The following LRP1B variants were observed in gnomAD, a reference collection of about 807,000 sequenced individuals.
The protein encoded by LRP1B is LDL receptor related protein 1B, also known as low-density lipoprotein receptor-related protein 1B.
In LRP1B, 217 loss-of-function variants were observed where a neutral mutation model predicts 556.6. The observed-to-expected ratio is 0.39, with a 90% CI of 0.35 to 0.44. The LOEUF is 0.44. Among genes scored for constraint, LRP1B ranks in the 20% least tolerant of loss-of-function variants. LRP1B has a pLI of 1.00. For synonymous variants in LRP1B, 2,047 were observed against 1,865.8 expected, an observed-to-expected ratio of 1.10 and a Z score of -2.50; for missense variants, 5,053 against 5,620.8, an observed-to-expected ratio of 0.90 and a Z score of 3.23.
chr2:140,739,310 T>C (rs957287883), intron 35 of LRP1B, among the ~76,000 whole-genome samples: 22 of 151,816 alleles, frequency 1.4e-4, no homozygotes, highest in Admixed American at 1.2e-3. Flanking sequence ...TGTGAAGATT[T>C]AGAGTTAATT....
chr2:140,497,731 A>G (rs994647089), intron 55 of LRP1B, among the ~76,000 whole-genome samples: 1 of 151,804 alleles, frequency 6.6e-6, no homozygotes, highest in Non-Finnish European at 1.5e-5. Flanking sequence ...AAAGTGCATC[A>G]CCATTTTAAT....
At chr2:141,999,505 G>A (rs1294337110) in intron 1 of LRP1B, among the ~76,000 whole-genome samples, 1 of 151,930 alleles carries the variant, frequency 6.6e-6, no homozygotes, top group African/African-American at 2.4e-5. Context: ...GACCGCAATG[G>A]CTTGTTTAAT....
At chr2:141,116,299 A>G (rs4954886) in intron 7 of LRP1B, among the ~76,000 whole-genome samples, 2 of 152,216 alleles carry the variant, frequency 1.3e-5, no homozygotes, top group Admixed American at 6.5e-5. Context: ...ATGATGGAAA[A>G]TGAATTAAAA....
chr2:141,724,359 T>A (rs1574286643), intron 2 of LRP1B, among the ~76,000 whole-genome samples: 1 of 152,016 alleles, frequency 6.6e-6, no homozygotes, highest in East Asian at 1.9e-4. Context: ...ATGTAGCTGC[T>A]GGTAAAAGAG....
intron 1 of LRP1B, among the ~76,000 whole-genome samples, chr2:141,996,521 A>T (rs1405428272): frequency 1.3e-5 from 2 of 151,952 alleles, no homozygotes; most frequent in Non-Finnish European, 2.9e-5. Context: ...AATGCTCAAT[A>T]AACTGTAGCC....
chr2:140,701,009 G>A (rs1240271362), intron 40 of LRP1B, among the ~76,000 whole-genome samples: 1 of 152,022 alleles, frequency 6.6e-6, no homozygotes, highest in Non-Finnish European at 1.5e-5. Context: ...TTTGAGATAT[G>A]GAAAGCATCA....
intron 4 of LRP1B, among the ~76,000 whole-genome samples, chr2:141,248,902 A>C (rs1478209332): frequency 6.6e-6 from 1 of 152,320 alleles, no homozygotes. Flanking sequence ...AGTGGAAATG[A>C]AGAGGAAATA....
intron 3 of LRP1B, among the ~76,000 whole-genome samples, chr2:141,418,199 C>CTGT (rs2104957795): frequency 6.6e-6 from 1 of 152,206 alleles, no homozygotes; most frequent in African/African-American, 2.4e-5. Flanking sequence ...AGGTTTCACT[C>CTGT]TGTTGATTGT....
chr2:140,876,157 T>C (rs1054317424), intron 25 of LRP1B, among the ~76,000 whole-genome samples: 1 of 152,106 alleles, frequency 6.6e-6, no homozygotes, highest in Non-Finnish European at 1.5e-5. Flanking sequence ...AGAACAGAAA[T>C]TAACTGCATG....
At chr2:140,458,537 C>T (rs544456978) in intron 60 of LRP1B, among the ~76,000 whole-genome samples, 7 of 152,022 alleles carry the variant, frequency 4.6e-5, no homozygotes, top group Admixed American at 3.9e-4. Flanking sequence ...TGAAAATTCC[C>T]TAACTTATAA....
intron 81 of LRP1B, among the ~76,000 whole-genome samples, chr2:140,323,673 G>GAAAACATGGCCAAATGCTGAACA (rs1193750851): frequency 6.6e-6 from 1 of 151,836 alleles, no homozygotes; most frequent in Non-Finnish European, 1.5e-5. Context: ...TTAATTTCAA[G>GAAAACATGGCCAAATGCTGAACA]AAAACATGGC....
intron 41 of LRP1B, among the ~76,000 whole-genome samples, chr2:140,606,685 G>A (rs1192807844): frequency 2.0e-5 from 3 of 151,868 alleles, no homozygotes; most frequent in Non-Finnish European, 4.4e-5. Context: ...AAAGTCCAAT[G>A]AGAAAAAAAA....
At chr2:140,565,206 T>A (rs1002295715) in intron 43 of LRP1B, among the ~76,000 whole-genome samples, 9 of 98,264 alleles carry the variant, frequency 9.2e-5, no homozygotes, top group Non-Finnish European at 1.5e-4. Flanking sequence ...TATCTGTATA[T>A]ATACACACAT....
At chr2:142,111,245 T>G (rs964161325) in intron 1 of LRP1B, among the ~76,000 whole-genome samples, 3 of 152,234 alleles carry the variant, frequency 2.0e-5, no homozygotes, top group Non-Finnish European at 2.9e-5. Context: ...AACATCCCTT[T>G]GAGCTTTTTT....
chr2:140,361,224 G>A (rs867070499), intron 72 of LRP1B, among the ~76,000 whole-genome samples: 1 of 148,736 alleles, frequency 6.7e-6, no homozygotes, highest in African/African-American at 2.5e-5. Context: ...TTAGGTGAGC[G>A]AAACCACCTG....
intron 3 of LRP1B, among the ~76,000 whole-genome samples, chr2:141,452,875 T>C (rs78723421): frequency 0.059 from 9,016 of 152,246 alleles, 325 homozygotes; most frequent in South Asian, 0.14. Flanking sequence ...TGGCTGTACT[T>C]CCTGGAGGTT....
At chr2:141,483,918 G>C (rs1172101556) in intron 2 of LRP1B, among the ~76,000 whole-genome samples, 2 of 150,748 alleles carry the variant, frequency 1.3e-5, no homozygotes, top group African/African-American at 4.9e-5. Context: ...TAGGTTGCCT[G>C]TTCACTCTGA....
At chr2:140,491,051 G>T (rs1473905730) in intron 57 of LRP1B, among the ~76,000 whole-genome samples, 1 of 151,994 alleles carries the variant, frequency 6.6e-6, no homozygotes, top group African/African-American at 2.4e-5. Flanking sequence ...ATGTGAAATA[G>T]ACTTAAATGA....
intron 7 of LRP1B, among the ~76,000 whole-genome samples, chr2:141,170,378 T>C (rs933672499): frequency 6.6e-6 from 1 of 152,110 alleles, no homozygotes; most frequent in Non-Finnish European, 1.5e-5. Flanking sequence ...GTTATGGGGA[T>C]ACTGGTACTT....
Sources: gnomAD v4.1 joint callset for allele counts (sites outside exome capture counted in the v4.1 genomes callset) on GRCh38, gnomAD v4.1.1 for gene constraint, MANE v1.5 for transcripts, NCBI Gene and HGNC (gene_info 2026-07-23, HGNC 2026-07-21) for gene names.